LRP1B: variants seen among roughly 807,000 people sequenced by gnomAD.
LRP1B encodes LDL receptor related protein 1B, also known as low-density lipoprotein receptor-related protein 1B.
A neutral mutation model predicts 556.6 loss-of-function variants in LRP1B; 217 were observed. The ratio of observed to expected loss-of-function variants is 0.39; its 90% CI spans 0.35 to 0.44. The LOEUF (loss-of-function observed/expected upper bound fraction) is 0.44, where lower values mean the gene tolerates loss of function less well. Among genes scored for constraint, LRP1B ranks in the 20% least tolerant of loss-of-function variants. The pLI, the probability that LRP1B is intolerant of heterozygous loss-of-function variation, is 1.00. For synonymous variants in LRP1B, 2,047 were observed against 1,865.8 expected (o/e 1.10, Z -2.50); for missense variants, 5,053 against 5,620.8 (o/e 0.90, Z 3.23).
intron 31 of LRP1B, among the ~76,000 whole-genome samples, chr2:140,830,949 A>T (rs1046531373): frequency 6.6e-6 from 1 of 152,130 alleles, no homozygotes; most frequent in Non-Finnish European, 1.5e-5. Context: ...AAACAATCCC[A>T]TATGCAATTG....
chr2:141,666,092 C>A (rs533952364), intron 2 of LRP1B, among the ~76,000 whole-genome samples: 1 of 152,060 alleles, frequency 6.6e-6, no homozygotes, highest in Non-Finnish European at 1.5e-5. Context: ...TGTAACAAAC[C>A]TGCACATTCT....
chr2:141,029,760 T>G (rs1202352822), intron 11 of LRP1B, among the ~76,000 whole-genome samples: 2 of 152,128 alleles, frequency 1.3e-5, no homozygotes, highest in Non-Finnish European at 2.9e-5. Flanking sequence ...CATTTTCTAC[T>G]TTTGGCACCA....
chr2:140,901,995 T>A (rs1017981936), intron 23 of LRP1B, among the ~76,000 whole-genome samples: 1 of 152,156 alleles, frequency 6.6e-6, no homozygotes, highest in East Asian at 1.9e-4. Context: ...TTTTGAGATA[T>A]GTGCGGCAAC....
intron 87 of LRP1B, among the ~76,000 whole-genome samples, chr2:140,240,841 TAATG>T (rs1680918029): frequency 6.6e-6 from 1 of 150,928 alleles, no homozygotes; most frequent in African/African-American, 2.4e-5. Flanking sequence ...AGGTAGAAAT[TAATG>T]GTGATATGCA....
In LRP1B at chr2:140,564,327, G is replaced by A. The variant is rs186129894; in HGVS notation, c.7195-22356C>T. 2.7e-3 allele frequency among the ~76,000 whole-genome samples: 412 copies of A among 152,118 alleles called. 3 individuals are homozygous for A. The highest frequency in any genetic ancestry group is 5.3e-3 in the Admixed American group (81 of 15,272). Reference sequence around the variant, plus strand: ...CTTTAGATATTCACTTTAGCAATATGTATTGTTTTCCACATACAATAACAA... The same window carrying A: ...CTTTAGATATTCACTTTAGCAATATATATTGTTTTCCACATACAATAACAA... On this transcript the variant is annotated intron_variant, in intron 43 of 90. Transcript: ENST00000389484.
rs891920986 is a variant in LRP1B, at chr2:140,266,612, C to A, written c.13247+3630G>T. On this transcript the variant is annotated intron_variant, in intron 86 of 90. Coordinates refer to ENST00000389484, the MANE Select transcript of LRP1B (RefSeq NM_018557.3). ...GCATATAACCTTTTTCTATTCTCAG[C>A]TACCTTGGCCTTTTATTTTTAGACC... is the stretch of plus-strand genomic sequence containing the variant. Among the ~76,000 whole-genome samples, 6 of 152,000 alleles carry A rather than the reference C, an allele frequency of 3.9e-5. No individual in the cohort carries two copies. In the East Asian group the frequency reaches 9.7e-4, roughly 24 times the overall value.
chr2:140,388,966 G>A (rs529848290), intron 66 of LRP1B, among the ~76,000 whole-genome samples: 1 of 152,056 alleles, frequency 6.6e-6, no homozygotes, highest in African/African-American at 2.4e-5. Context: ...TCAAAAAACT[G>A]ATATAAAACA....
At chr2:141,908,912 A>G (rs1699831164) in intron 1 of LRP1B, among the ~76,000 whole-genome samples, 1 of 152,128 alleles carries the variant, frequency 6.6e-6, no homozygotes, top group Non-Finnish European at 1.5e-5. Flanking sequence ...TTTTCATTTT[A>G]TAAATGAAGA....
chr2:142,112,055 G>A (rs780780740), intron 1 of LRP1B, among the ~76,000 whole-genome samples: 3 of 151,998 alleles, frequency 2.0e-5, no homozygotes, highest in Non-Finnish European at 4.4e-5. Context: ...ACATCAAGGT[G>A]CCTTTCCATC....
intron 2 of LRP1B, among the ~76,000 whole-genome samples, chr2:141,543,518 C>CA (rs377085694): frequency 0.76 from 69,601 of 91,242 alleles, 27,085 homozygotes; most frequent in Non-Finnish European, 0.82. Context: ...GACCCTGTCT[C>CA]AAAAAAAAAA....
chr2:140,850,203 A>G lies in LRP1B; in HGVS notation c.4838T>C (p.Phe1613Ser), dbSNP rs1403634604. Reference sequence around the variant, plus strand: ...GTATAAACGTTCCTCAGATGCATCGAAGTCTATCACAGTAACGTCATCAAT... The same window carrying G: ...GTATAAACGTTCCTCAGATGCATCGGAGTCTATCACAGTAACGTCATCAAT... Reference protein sequence around the residue: ...PDIDDVTVIDFDASEERLYWT... With the variant: ...PDIDDVTVIDSDASEERLYWT... The change falls in exon 29 of 91, where the codon TTC becomes TCC. Residue 1613 changes from phenylalanine to serine, a missense_variant. By Grantham distance (155) the Phe-to-Ser change is radical. Around this residue, in one of 5 missense-constraint regions of LRP1B, gnomAD observed 3,619 missense variants for 3,931.9 expected, o/e 0.92. Transcript: ENST00000389484. 7 of 1,613,368 alleles carry G rather than the reference A, an allele frequency of 4.3e-6. No homozygotes were observed. Among genetic ancestry groups the G allele is most frequent in the African/African-American group, 1.3e-5 (1 of 75,020 alleles).
chr2:140,331,160 C>T lies in LRP1B; in HGVS notation c.12223+3293G>A, dbSNP rs555858093. Among the ~76,000 whole-genome samples, 116 of 152,136 alleles carry T rather than the reference C, an allele frequency of 7.6e-4. 1 individual carries two copies. Among genetic ancestry groups the T allele is most frequent in the African/African-American group, 2.4e-3 (99 of 41,528 alleles). On this transcript the variant is annotated intron_variant, in intron 79 of 90. Coordinates refer to ENST00000389484, the MANE Select transcript of LRP1B (RefSeq NM_018557.3). ...AGCACTGGTCACAATAGCAAAGACA[C>T]GGAATCAACCCAAATGCCCACCAAT...
intron 3 of LRP1B, among the ~76,000 whole-genome samples, chr2:141,414,682 T>A (rs1177888079): frequency 6.6e-6 from 1 of 152,230 alleles, no homozygotes; most frequent in Non-Finnish European, 1.5e-5. Flanking sequence ...TTTTCTGCAG[T>A]CTAGATGCCA....
intron 1 of LRP1B, among the ~76,000 whole-genome samples, chr2:141,845,737 C>T (rs765315672): frequency 6.6e-6 from 1 of 151,818 alleles, no homozygotes; most frequent in Non-Finnish European, 1.5e-5. Context: ...AAGACAATAT[C>T]ATTACTTATA....
intron 1 of LRP1B, among the ~76,000 whole-genome samples, chr2:142,003,422 C>A (rs1702715174): frequency 6.6e-6 from 1 of 152,070 alleles, no homozygotes. Flanking sequence ...GCCTTTTTAC[C>A]AAACAGAAAA....
chr2:140,642,078 A>T (rs762925159), intron 41 of LRP1B, among the ~76,000 whole-genome samples: 3 of 152,106 alleles, frequency 2.0e-5, no homozygotes, highest in Non-Finnish European at 4.4e-5. Context: ...ACCTTCATAG[A>T]GGTTTCTGGG....
chr2:140,621,384 C>A (rs78531199), intron 41 of LRP1B, among the ~76,000 whole-genome samples: 2,630 of 106,140 alleles, frequency 0.025, no homozygotes, highest in African/African-American at 0.026. Context: ...GACTCTGTCT[C>A]AAAAAAAAAA....
At chr2:141,647,793 A>G (rs1689635883) in intron 2 of LRP1B, among the ~76,000 whole-genome samples, 1 of 150,772 alleles carries the variant, frequency 6.6e-6, no homozygotes, top group Non-Finnish European at 1.5e-5. Context: ...ATTTTTGTTC[A>G]GGGAAAAAGT....
intron 7 of LRP1B, among the ~76,000 whole-genome samples, chr2:141,153,802 G>T (rs1193984026): frequency 6.6e-6 from 1 of 150,804 alleles, no homozygotes; most frequent in Non-Finnish European, 1.5e-5. Context: ...GTAAACAGAA[G>T]AAATAAGGAT....
Sources: allele counts gnomAD v4.1 joint callset (sites outside exome capture counted in the v4.1 genomes callset), GRCh38; gene constraint gnomAD v4.1.1; regional missense constraint gnomAD v4.1.1; transcripts MANE v1.5; gene names NCBI Gene and HGNC (gene_info 2026-07-23, HGNC 2026-07-21).